SEMA5A: variants seen among roughly 807,000 people sequenced by gnomAD.
SEMA5A encodes the protein semaphorin-5A.
In SEMA5A, 55 loss-of-function variants were observed where a neutral mutation model predicts 135.5. The observed-to-expected ratio is 0.41, with a 90% confidence interval of 0.33 to 0.51. The LOEUF is 0.51. SEMA5A is among the 20% of genes least tolerant of loss of function. The probability of loss-of-function intolerance (pLI) is 0.37; values close to 1 mark genes in which losing one functional copy is unlikely to be tolerated. For missense variants in SEMA5A, 1,290 were observed against 1,419.9 expected (o/e 0.91, Z 1.47); for synonymous variants, 580 against 546.5 (o/e 1.06, Z -0.85).
rs774093097 is a variant in SEMA5A at position 9,044,508 on chromosome 5, A to G, written c.2970T>C (p.Tyr990=). ...GCTGCTGGTACCGCTGGCAGTAAGT[A>G]TAGACGAGCAGGGTGAGGAGGCAGC... ...ILGCLLTLLV[Y]TYCQRYQQQS... Residue 990 remains tyrosine, a synonymous_variant, in exon 22 of 23, where the codon TAT becomes TAC. Transcript: ENST00000382496. 3.1e-5 allele frequency: 50 copies of G among 1,613,946 alleles called. No homozygotes were observed. The highest frequency in any genetic ancestry group is 3.8e-5 in the Non-Finnish European group (45 of 1,180,038).
rs1305606521 is a variant in SEMA5A at position 9,109,027 on chromosome 5, A to ATTTTTTTTTTTT, written c.1926-741_1926-740insAAAAAAAAAAAA. Reference sequence around the variant, plus strand: ...ATCATGAGTCATATTATTTCTCTTCAATTTTTTTTTTTTTTTTTTTTTTTT... The same window carrying ATTTTTTTTTTTT: ...ATCATGAGTCATATTATTTCTCTTCATTTTTTTTTTTTATTTTTTTTTTTTTTTTTTTTTTTT... On this transcript the variant is annotated intron_variant, in intron 15 of 22. Coordinates refer to ENST00000382496, the MANE Select transcript of SEMA5A (RefSeq NM_003966.3). 6.0e-4 allele frequency among the ~76,000 whole-genome samples: 71 copies of ATTTTTTTTTTTT among 118,904 alleles called. 10 individuals are homozygous for ATTTTTTTTTTTT. In the East Asian group the frequency reaches 6.8e-3, roughly 11 times the overall value. The allele number at this position is 118,904 out of a possible 152,430, so 78.0% of individuals were successfully genotyped here.
chr5:9,168,911 T>G (rs1743760222), intron 11 of SEMA5A, among the ~76,000 whole-genome samples: 1 of 152,222 alleles, frequency 6.6e-6, no homozygotes, highest in South Asian at 2.1e-4. Flanking sequence ...AAAATCATAG[T>G]GCATTAACCA....
At chr5:9,050,352 G>T in intron 21 of SEMA5A, 58 bp downstream of exon 21, 2 of 1,434,108 alleles carry the variant, frequency 1.4e-6, no homozygotes, top group African/African-American at 1.4e-5. Context: ...ATGCAGGAAG[G>T]GAAATGATTA....
chr5:9,181,799 A>T (rs1744526998), intron 11 of SEMA5A, among the ~76,000 whole-genome samples: 1 of 152,030 alleles, frequency 6.6e-6, no homozygotes, highest in Non-Finnish European at 1.5e-5. Context: ...GTCTGCTGAC[A>T]CCCACAGGTA....
chr5:9,509,476 TATTG>T (rs555212319), intron 1 of SEMA5A, among the ~76,000 whole-genome samples: 10 of 151,998 alleles, frequency 6.6e-5, no homozygotes, highest in Non-Finnish European at 1.0e-4. Flanking sequence ...GTTTTCATCA[TATTG>T]GTCAGGCTGG....
At chr5:9,257,582 G>A (rs1338692734) in intron 5 of SEMA5A, among the ~76,000 whole-genome samples, 7 of 147,946 alleles carry the variant, frequency 4.7e-5, no homozygotes, top group Non-Finnish European at 9.1e-5. Context: ...TAGGGACTGA[G>A]ATTCTATTTT....
chr5:9,177,406 A>C (rs1376993476), intron 11 of SEMA5A, among the ~76,000 whole-genome samples: 1 of 151,920 alleles, frequency 6.6e-6, no homozygotes, highest in Admixed American at 6.6e-5. Context: ...AGTGATGTTG[A>C]CTCTATCCCA....
At chr5:9,052,132 C>G (rs1407073874) in intron 19 of SEMA5A, 104 bp from the exon 20 acceptor site, 1 of 1,265,102 alleles carries the variant, frequency 7.9e-7, no homozygotes. Flanking sequence ...TCCAGGATTC[C>G]ATAGCATATT....
chr5:9,442,253 G>C (rs1032186953), intron 1 of SEMA5A, among the ~76,000 whole-genome samples: 12 of 152,228 alleles, frequency 7.9e-5, no homozygotes, highest in Admixed American at 2.0e-4. Flanking sequence ...CTCTGGATTA[G>C]TCTGGCCATG....
chr5:9,090,682 A>G (rs1052275556), intron 16 of SEMA5A, among the ~76,000 whole-genome samples: 1 of 152,280 alleles, frequency 6.6e-6, no homozygotes, highest in South Asian at 2.1e-4. Context: ...CCAGGCACTG[A>G]GAATGTCCTG....
intron 6 of SEMA5A, 25 bp downstream of exon 6, chr5:9,237,803 C>T (rs1256527508): frequency 6.2e-7 from 1 of 1,610,846 alleles, no homozygotes; most frequent in Middle Eastern, 1.7e-4. Context: ...AGGGTGATGG[C>T]TGCTCATAAT....
chr5:9,425,949 C>T (rs917083006), intron 2 of SEMA5A, among the ~76,000 whole-genome samples: 2 of 152,202 alleles, frequency 1.3e-5, no homozygotes, highest in African/African-American at 4.8e-5. Context: ...CCTCACCACA[C>T]TGTTCACTCA....
At chr5:9,080,920 C>T (rs765612105) in intron 16 of SEMA5A, among the ~76,000 whole-genome samples, 1 of 152,210 alleles carries the variant, frequency 6.6e-6, no homozygotes, top group Non-Finnish European at 1.5e-5. Context: ...GCATAATCTT[C>T]TCTCTTGGAG....
chr5:9,233,296 CTCT>C (rs1215358243), intron 6 of SEMA5A, among the ~76,000 whole-genome samples: 2 of 152,206 alleles, frequency 1.3e-5, no homozygotes, highest in African/African-American at 4.8e-5. Context: ...ACACAAGGAA[CTCT>C]TGTTAGGTCG....
intron 1 of SEMA5A, chr5:9,511,437 G>C (rs6881014): frequency 6.6e-6 from 1 of 152,120 alleles, no homozygotes. Context: ...AAACTATCTC[G>C]AGTGGTAATT....
Position 9,050,406 on chromosome 5 carries a change from G to A in SEMA5A, c.2893+4C>T, listed in dbSNP as rs771601365. 50 of 1,609,978 alleles carry A rather than the reference G, an allele frequency of 3.1e-5. No homozygotes were observed. The highest frequency in any genetic ancestry group is 3.8e-5 in the Non-Finnish European group (45 of 1,178,026). On this transcript the variant is annotated splice_donor_region_variant and intron_variant, in intron 21 of 22. Coordinates refer to ENST00000382496, the MANE Select transcript of SEMA5A (RefSeq NM_003966.3). The stretch of plus-strand genomic sequence containing the variant: ...ATTACAACTACTTAAAAGGAATAAC[G>A]TACCTCCACACCTTTTCTCTTCTAC...
chr5:9,309,683 T>C (rs1192773359), intron 5 of SEMA5A, among the ~76,000 whole-genome samples: 1 of 152,084 alleles, frequency 6.6e-6, no homozygotes, highest in Non-Finnish European at 1.5e-5. Context: ...GTCTTCTGCA[T>C]GTGAATGTTC....
At chr5:9,146,269 CA>C (rs1742329490) in intron 12 of SEMA5A, among the ~76,000 whole-genome samples, 1 of 152,164 alleles carries the variant, frequency 6.6e-6, no homozygotes, top group Non-Finnish European at 1.5e-5. Context: ...CCAGCACCAA[CA>C]AAAACTCGGT....
intron 3 of SEMA5A, among the ~76,000 whole-genome samples, chr5:9,346,928 A>G (rs867978710): frequency 2.0e-5 from 3 of 150,620 alleles, no homozygotes; most frequent in African/African-American, 7.3e-5. Context: ...ATATATATAT[A>G]TGTATTTGCC....
Sources: gnomAD v4.1 joint callset for allele counts (sites outside exome capture counted in the v4.1 genomes callset) on GRCh38, gnomAD v4.1.1 for gene constraint, MANE v1.5 for transcripts, NCBI Gene and HGNC (gene_info 2026-07-23, HGNC 2026-07-21) for gene names.